TENM4: variants seen among roughly 807,000 people sequenced by gnomAD.
TENM4 encodes teneurin transmembrane protein 4, also known as teneurin-4.
A neutral mutation model predicts 243.3 loss-of-function variants in TENM4; 82 were observed. The observed-to-expected ratio is 0.34, with a 90% CI of 0.28 to 0.40. The LOEUF is 0.40. TENM4 is among the 10% of genes least tolerant of loss of function. TENM4 has a pLI of 1.00. For missense variants in TENM4, 3,138 were observed against 3,673.3 expected (o/e 0.85, Z 3.77); for synonymous variants, 1,412 against 1,456.3 (o/e 0.97, Z 0.69).
chr11:78,758,060 CAA>C (rs1856350167), intron 18 of TENM4, among the ~76,000 whole-genome samples: 1 of 152,178 alleles, frequency 6.6e-6, no homozygotes, highest in African/African-American at 2.4e-5. Context: ...AAATACATAA[CAA>C]AGAGATAAGC....
chr11:79,324,286 A>T (rs1191149828), intron 1 of TENM4, among the ~76,000 whole-genome samples: 1 of 151,990 alleles, frequency 6.6e-6, no homozygotes, highest in Non-Finnish European at 1.5e-5. Context: ...CAGTGGTGAG[A>T]TCATAGCTCA....
chr11:78,805,277 T>TGCCCCCCCG lies in TENM4; in HGVS notation c.2179+14_2179+15insCGGGGGGGC. The TGCCCCCCCG allele has an allele frequency of 1.4e-6, 2 of 1,402,548 alleles. No individual in the cohort carries two copies. The highest frequency in any genetic ancestry group is 1.9e-6 in the Non-Finnish European group (2 of 1,033,114). The allele number at this position is 1,402,548 out of a possible 1,614,324, so 86.9% of individuals were successfully genotyped here. On this transcript the variant is annotated intron_variant, in intron 15 of 33. Coordinates refer to ENST00000278550, the MANE Select transcript of TENM4 (RefSeq NM_001098816.3). The stretch of plus-strand genomic sequence containing the variant: ...CCCCTCCCTCTACCCATGCTTCTTC[T>TGCCCCCCCG]CCCCCTGCATTTACCGATAGAACAG...
At chr11:79,100,733 A>T (rs1346684620) in intron 4 of TENM4, among the ~76,000 whole-genome samples, 2 of 152,194 alleles carry the variant, frequency 1.3e-5, no homozygotes, top group African/African-American at 2.4e-5. Flanking sequence ...GACTTGCTCC[A>T]AGTGACAAGT....
chr11:79,066,565 C>G (rs910809436), intron 5 of TENM4, among the ~76,000 whole-genome samples: 1 of 152,184 alleles, frequency 6.6e-6, no homozygotes, highest in South Asian at 2.1e-4. Flanking sequence ...CACACACAGA[C>G]GTGCACGCGC....
intron 6 of TENM4, among the ~76,000 whole-genome samples, chr11:78,953,500 C>T (rs758841839): frequency 2.0e-5 from 3 of 152,090 alleles, no homozygotes; most frequent in Non-Finnish European, 4.4e-5. Context: ...GTGAGAGAAG[C>T]CTTATCCATA....
chr11:79,141,689 A>G (rs978610682), intron 4 of TENM4, among the ~76,000 whole-genome samples: 7 of 152,124 alleles, frequency 4.6e-5, no homozygotes, highest in African/African-American at 1.7e-4. Flanking sequence ...TGCATCAAAC[A>G]AATAAACAAA....
intron 3 of TENM4, among the ~76,000 whole-genome samples, chr11:79,202,868 G>A (rs1863772485): frequency 6.6e-6 from 1 of 152,176 alleles, no homozygotes; most frequent in Non-Finnish European, 1.5e-5. Flanking sequence ...ATGACAAACT[G>A]TCACTGTTAC....
intron 3 of TENM4, among the ~76,000 whole-genome samples, chr11:79,214,546 G>C (rs1458186091): frequency 6.6e-6 from 1 of 152,134 alleles, no homozygotes; most frequent in Admixed American, 6.5e-5. Flanking sequence ...TTTTTATTTG[G>C]AAGACCTTTG....
At chr11:79,219,670 A>C (rs1864120985) in intron 2 of TENM4, among the ~76,000 whole-genome samples, 1 of 152,172 alleles carries the variant, frequency 6.6e-6, no homozygotes, top group South Asian at 2.1e-4. Flanking sequence ...TTTCCTCTCT[A>C]GGCAAGTCAT....
At chr11:79,124,813 ATATATG>A (rs1861832361) in intron 4 of TENM4, among the ~76,000 whole-genome samples, 1 of 145,284 alleles carries the variant, frequency 6.9e-6, no homozygotes, top group Non-Finnish European at 1.5e-5. Flanking sequence ...GTATGTGTAT[ATATATG>A]TATATGTATG....
chr11:78,957,285 G>A (rs760131831), intron 6 of TENM4, among the ~76,000 whole-genome samples: 11 of 152,130 alleles, frequency 7.2e-5, no homozygotes, highest in Non-Finnish European at 1.6e-4. Flanking sequence ...GCACATCCAA[G>A]TAACTGCAGT....
chr11:78,770,456 T>G (rs1049392527), intron 18 of TENM4, among the ~76,000 whole-genome samples: 2 of 152,206 alleles, frequency 1.3e-5, no homozygotes, highest in Admixed American at 1.3e-4. Flanking sequence ...CCTCCTTCCT[T>G]GGGCTTTGAC....
rs527466874 is a variant in TENM4, at chr11:78,675,745, C to T, written c.5496+407G>A. ...TAATGGTAATAAATCATAACAATAA[C>T]AATAAGAGTAGCTATTATTGACCAC... On this transcript the variant is annotated intron_variant, in intron 30 of 33. Coordinates refer to ENST00000278550, the MANE Select transcript of TENM4 (RefSeq NM_001098816.3). 1.2e-4 allele frequency among the ~76,000 whole-genome samples: 19 copies of T among 152,274 alleles called. No homozygotes were observed. The East Asian group carries it at 3.5e-3, about 28-fold the overall frequency.
chr11:78,738,516 A>G lies in TENM4; in HGVS notation c.2811T>C (p.Val937=), dbSNP rs1221356179. 1.9e-6 allele frequency: 3 copies of G among 1,613,844 alleles called. No individual in the cohort carries two copies. The highest frequency in any genetic ancestry group is 2.5e-6 in the Non-Finnish European group (3 of 1,179,862). The change falls in exon 20 of 34, where the codon GTT becomes GTC. Residue 937 remains valine (V), a synonymous_variant. Transcript: ENST00000278550. ...TATTGACAAAACTGATGTTCACACC[A>G]ACCAGGGGGGTTCCATCTGATGTCA... The part of the protein sequence containing the change: ...QVMTSDGTPL[V]GVNISFVNNP...
chr11:78,993,396 C>T (rs1397397814), intron 6 of TENM4, among the ~76,000 whole-genome samples: 5 of 152,086 alleles, frequency 3.3e-5, no homozygotes, highest in Non-Finnish European at 7.4e-5. Context: ...TGTTGAGTTT[C>T]CTGGATTTGT....
chr11:79,136,309 G>A (rs1056743296), intron 4 of TENM4, among the ~76,000 whole-genome samples: 3 of 152,136 alleles, frequency 2.0e-5, no homozygotes, highest in Non-Finnish European at 4.4e-5. Flanking sequence ...CTCAGCAGAG[G>A]AGGATTTTAA....
chr11:78,951,279 C>T (rs532775622), intron 6 of TENM4, among the ~76,000 whole-genome samples: 2 of 152,340 alleles, frequency 1.3e-5, no homozygotes, highest in African/African-American at 4.8e-5. Context: ...GACCAGAGTT[C>T]ACTCTCCAGC....
At chr11:79,252,502 G>T (rs1432948654) in intron 2 of TENM4, among the ~76,000 whole-genome samples, 1 of 152,186 alleles carries the variant, frequency 6.6e-6, no homozygotes, top group East Asian at 1.9e-4. Flanking sequence ...CTCCCAAAGT[G>T]CTGGGATTAC....
chr11:78,884,891 T>C (rs1390480138), intron 9 of TENM4, among the ~76,000 whole-genome samples: 4 of 152,222 alleles, frequency 2.6e-5, no homozygotes, highest in Admixed American at 2.6e-4. Context: ...TGTCCTCATC[T>C]GTCAATTGCG....
Sources: gnomAD v4.1 joint callset for allele counts (sites outside exome capture counted in the v4.1 genomes callset) on GRCh38, gnomAD v4.1.1 for gene constraint, MANE v1.5 for transcripts, NCBI Gene and HGNC (gene_info 2026-07-23, HGNC 2026-07-21) for gene names.